The following NMT1 variants were observed in gnomAD, a reference collection of about 807,000 sequenced individuals.
NMT1 encodes the protein glycylpeptide N-tetradecanoyltransferase 1.
NMT1 carries 12 observed loss-of-function variants against 63.4 expected under a neutral mutation model. The observed-to-expected ratio is 0.19, with a 90% CI of 0.12 to 0.31. The LOEUF (loss-of-function observed/expected upper bound fraction) is 0.31. NMT1 is among the 10% of genes least tolerant of loss of function. The pLI is 1.00. For missense variants in NMT1, 432 were observed against 634.6 expected (o/e 0.68, Z 3.43); for synonymous variants, 228 against 234.3 (o/e 0.97, Z 0.25).
Position 45,061,327 on chromosome 17 carries a change from A to C in NMT1, c.-3A>C, listed in dbSNP as rs748067291. 2 of 1,613,296 alleles carry C rather than the reference A, an allele frequency of 1.2e-6. No individual in the cohort carries two copies. The highest frequency in any genetic ancestry group is 1.7e-5 in the Admixed American group (1 of 59,762). Reference sequence around the variant, plus strand: ...GCGCGGAGCCCTGCTCTCGCAACTCAAGATGGCGGACGAGAGTGAGACAGC... The same window carrying C: ...GCGCGGAGCCCTGCTCTCGCAACTCCAGATGGCGGACGAGAGTGAGACAGC... On this transcript the variant is annotated 5_prime_UTR_variant, in exon 1 of 12. Transcript: ENST00000258960.
At position 45,107,628 on chromosome 17, in the gene NMT1, G is replaced by A. The variant is rs2054211029; in HGVS notation, c.*1989G>A. 1 of 152,472 alleles carries A rather than the reference G, an allele frequency of 6.6e-6. No homozygotes were observed. The allele number at this position is 152,472 out of a possible 1,614,324, so 9.4% of individuals were successfully genotyped here. ...CTTTGAGGATATCAAAGGACAAAGTGCCCAAGTCTTTCCTACCTTGGGGGA... is the reference window on the plus strand; with the variant it reads ...CTTTGAGGATATCAAAGGACAAAGTACCCAAGTCTTTCCTACCTTGGGGGA... On this transcript the variant is annotated 3_prime_UTR_variant, in exon 12 of 12. Coordinates refer to ENST00000258960, the MANE Select transcript of NMT1 (RefSeq NM_021079.5).
At position 45,081,065 on chromosome 17, in the gene NMT1, G is replaced by A. The variant is rs990312144; in HGVS notation, c.132-579G>A. Among the ~76,000 whole-genome samples the A allele has an allele frequency of 2.6e-5, 4 of 152,206 alleles. No homozygotes were observed. The East Asian group carries it at 7.7e-4, about 29-fold the overall frequency. ...TTACAGGTGTGAGCTACCACGCCTG[G>A]CTGATTTGGGCATTTCTCATGACTG... is the stretch of plus-strand genomic sequence containing the variant. On this transcript the variant is annotated intron_variant, in intron 1 of 11. Coordinates refer to ENST00000258960, the MANE Select transcript of NMT1 (RefSeq NM_021079.5).
chr17:45,081,250 C>T (rs1253760293), intron 1 of NMT1, among the ~76,000 whole-genome samples: 4 of 152,202 alleles, frequency 2.6e-5, no homozygotes, highest in Non-Finnish European at 4.4e-5. Flanking sequence ...TCCAGAAAGC[C>T]CATCACTGCC....
rs148483868 is a variant in NMT1, at chr17:45,103,050, G to A, written c.1093G>A (p.Val365Ile). ...CTTGAAGCAATTTCACCTTACGCCCGTCATGAGCCAGGAGGAGGTGGAGCA... is the reference window on the plus strand; with the variant it reads ...CTTGAAGCAATTTCACCTTACGCCCATCATGAGCCAGGAGGAGGTGGAGCA... Reference protein sequence around the residue: ...RYLKQFHLTPVMSQEEVEHWF... With the variant: ...RYLKQFHLTPIMSQEEVEHWF... Residue 365 changes from valine (V) to isoleucine (I), a missense_variant, in exon 9 of 12, where the codon GTC becomes ATC. Physicochemically the swap from Val to Ile is conservative, Grantham distance 29. Coordinates refer to ENST00000258960, the MANE Select transcript of NMT1 (RefSeq NM_021079.5). The surrounding 1 kb of genome is among the most constrained non-coding windows in gnomAD (Gnocchi z 4.8). 1.2e-4 allele frequency: 186 copies of A among 1,614,032 alleles called. No homozygotes were observed. The African/African-American group carries it at 1.8e-3, about 16-fold the overall frequency.
chr17:45,078,756 G>A (rs1013472724), intron 1 of NMT1, among the ~76,000 whole-genome samples: 10 of 151,948 alleles, frequency 6.6e-5, no homozygotes, highest in African/African-American at 2.4e-4. Flanking sequence ...CCTCCTCCCA[G>A]GCTTCAAGCC....
rs965124176 is a variant in NMT1 at position 45,103,480 on chromosome 17, G to A, written c.1165-229G>A. On this transcript the variant is annotated intron_variant, in intron 9 of 11. Coordinates refer to ENST00000258960, the MANE Select transcript of NMT1 (RefSeq NM_021079.5). The surrounding 1 kb of genome is among the most constrained non-coding windows in gnomAD (Gnocchi z 4.8). ...GAGCTGCAAGAAGAGGTCCCTGGCGGTGCCCATGCTGGGAAAGAGGTCTGG... is the reference window on the plus strand; with the variant it reads ...GAGCTGCAAGAAGAGGTCCCTGGCGATGCCCATGCTGGGAAAGAGGTCTGG... Among the ~76,000 whole-genome samples, 1 of 152,178 alleles carries A rather than the reference G, an allele frequency of 6.6e-6. No individual in the cohort carries two copies. The highest frequency in any genetic ancestry group is 2.4e-5 in the African/African-American group (1 of 41,426).
At chr17:45,082,228 C>G (rs1469484030) in intron 2 of NMT1, among the ~76,000 whole-genome samples, 1 of 151,946 alleles carries the variant, frequency 6.6e-6, no homozygotes, top group Non-Finnish European at 1.5e-5. Flanking sequence ...ACCTCAGCCT[C>G]CCAAGTAGCT....
At chr17:45,101,694 A>T (rs1365036414) in intron 8 of NMT1, among the ~76,000 whole-genome samples, 2 of 151,082 alleles carry the variant, frequency 1.3e-5, no homozygotes, top group Non-Finnish European at 2.9e-5. Context: ...CCTATTGGTC[A>T]TCAGTGCACA....
At position 45,104,419 on chromosome 17, in the gene NMT1, G is replaced by C; in HGVS notation, c.1333-440G>C. 1.8e-6 allele frequency: 2 copies of C among 1,114,860 alleles called. No individual in the cohort carries two copies. The highest frequency in any genetic ancestry group is 2.2e-6 in the Non-Finnish European group (2 of 907,136). 69.1% of individuals were successfully genotyped at this position (1,114,860 alleles called of 1,614,324 possible). ...TCACAGTCTCCAAGCAACACAGCAG[G>C]TGTCATACAACATGAGGTGCACTGA... is the stretch of plus-strand genomic sequence containing the variant. On this transcript the variant is annotated intron_variant, in intron 10 of 11. Transcript: ENST00000258960. The surrounding 1 kb of genome is among the most constrained non-coding windows in gnomAD (Gnocchi z 4.2).
chr17:45,063,897 G>GA (rs1208105004), intron 1 of NMT1, among the ~76,000 whole-genome samples: 5 of 148,846 alleles, frequency 3.4e-5, no homozygotes, highest in East Asian at 2.0e-4. Flanking sequence ...CCCTGTCTCA[G>GA]AAAAAAAAGT....
intron 1 of NMT1, among the ~76,000 whole-genome samples, chr17:45,073,417 CAA>C (rs1007690802): frequency 7.3e-6 from 1 of 136,280 alleles, no homozygotes. Flanking sequence ...GACTCTGTCT[CAA>C]AAAAAAAAAA....
At chr17:45,063,854 C>A (rs1012390821) in intron 1 of NMT1, among the ~76,000 whole-genome samples, 1 of 151,638 alleles carries the variant, frequency 6.6e-6, no homozygotes, top group Admixed American at 6.6e-5. Flanking sequence ...TGAGATTGCA[C>A]CACTGCACTC....
Position 45,105,551 on chromosome 17 carries a change from TA to T in NMT1, c.1471-67del, listed in dbSNP as rs1265276029. On this transcript the variant is annotated intron_variant, in intron 11 of 11. Coordinates refer to ENST00000258960, the MANE Select transcript of NMT1 (RefSeq NM_021079.5). This position sits in a 1 kb window ranked among gnomAD's most constrained non-coding sequence, Gnocchi z 4.2. ...GCCCAGCCACTCGGAACTTCAGGGA[TA>T]GGGGGTGTGGGAGAGTCTTTGGGCC... 1 of 1,567,946 alleles carries T rather than the reference TA, an allele frequency of 6.4e-7. No homozygotes were observed. The highest frequency in any genetic ancestry group is 8.8e-7 in the Non-Finnish European group (1 of 1,140,264).
Position 45,105,523 on chromosome 17 carries a change from C to T in NMT1, c.1471-96C>T, listed in dbSNP as rs375258149. 3.1e-4 allele frequency: 441 copies of T among 1,407,910 alleles called. 1 individual carries two copies. In the African/African-American group the frequency reaches 4.4e-3, roughly 14 times the overall value. 87.2% of individuals were successfully genotyped at this position (1,407,910 alleles called of 1,614,324 possible). On this transcript the variant is annotated intron_variant, in intron 11 of 11. Transcript: ENST00000258960. This position sits in a 1 kb window ranked among gnomAD's most constrained non-coding sequence, Gnocchi z 4.2. ...GCTCCCACAGCACAGGCGGTGGACC[C>T]GGGCCCAGCCACTCGGAACTTCAGG...
chr17:45,093,859 C>G lies in NMT1; in HGVS notation c.504+56C>G. On this transcript the variant is annotated intron_variant, in intron 4 of 11. Coordinates refer to ENST00000258960, the MANE Select transcript of NMT1 (RefSeq NM_021079.5). The stretch of plus-strand genomic sequence containing the variant: ...GGGTAGGAGCCACTTTCACAGTAAG[C>G]CCTGCAGTCTCACCTAGACTACGTT... The G allele has an allele frequency of 4.3e-6, 6 of 1,383,036 alleles. No homozygotes were observed. In the South Asian group the frequency reaches 7.0e-5, roughly 16 times the overall value. The allele number at this position is 1,383,036 out of a possible 1,614,324, so 85.7% of individuals were successfully genotyped here.
chr17:45,064,998 T>A (rs1442334327), intron 1 of NMT1, among the ~76,000 whole-genome samples: 1 of 152,198 alleles, frequency 6.6e-6, no homozygotes, highest in East Asian at 1.9e-4. Context: ...TCTGCTCTTA[T>A]CACATACTGT....
At chr17:45,089,013 C>T (rs1301010581) in intron 3 of NMT1, among the ~76,000 whole-genome samples, 2 of 152,168 alleles carry the variant, frequency 1.3e-5, no homozygotes, top group Non-Finnish European at 2.9e-5. Flanking sequence ...CATGGAAGAG[C>T]AGTCACCCTG....
At position 45,104,535 on chromosome 17, in the gene NMT1, G is replaced by A. The variant is rs1450988902; in HGVS notation, c.1333-324G>A. 2 of 1,146,928 alleles carry A rather than the reference G, an allele frequency of 1.7e-6. No homozygotes were observed. Among genetic ancestry groups the A allele is most frequent in the African/African-American group, 1.6e-5 (1 of 63,394 alleles). The allele number at this position is 1,146,928 out of a possible 1,614,324, so 71.0% of individuals were successfully genotyped here. A position where few individuals can be genotyped will look rare whatever the true frequency, so the allele number is the denominator to read the frequency against. ...CCAGCTTCTCAGAGGAATGGGCTCAGGGTTTGGACTCCAGAGAGGACTGTG... is the reference window on the plus strand; with the variant it reads ...CCAGCTTCTCAGAGGAATGGGCTCAAGGTTTGGACTCCAGAGAGGACTGTG... On this transcript the variant is annotated intron_variant, in intron 10 of 11. Coordinates refer to ENST00000258960, the MANE Select transcript of NMT1 (RefSeq NM_021079.5). This position sits in a 1 kb window ranked among gnomAD's most constrained non-coding sequence, Gnocchi z 4.2.
intron 1 of NMT1, among the ~76,000 whole-genome samples, chr17:45,066,624 A>G (rs568173641): frequency 2.0e-5 from 3 of 152,024 alleles, no homozygotes; most frequent in Admixed American, 6.6e-5. Context: ...CCCTTCATGT[A>G]TACATATAGG....
Sources: gnomAD v4.1 joint callset for allele counts (sites outside exome capture counted in the v4.1 genomes callset) on GRCh38, gnomAD v4.1.1 for gene constraint, Gnocchi (gnomAD v3.1) non-coding constraint, MANE v1.5 for transcripts, NCBI Gene and HGNC (gene_info 2026-07-23, HGNC 2026-07-21) for gene names.